Variants in SYNGR1 observed in about 807,000 individuals in gnomAD.
SYNGR1 encodes the protein synaptogyrin 1.
In SYNGR1, 14 loss-of-function variants were observed where a neutral mutation model predicts 26.1. The observed-to-expected ratio is 0.54, with a 90% confidence interval of 0.35 to 0.84. The LOEUF is 0.84. Among genes scored for constraint, SYNGR1 ranks in the 40% least tolerant of loss-of-function variants. SYNGR1 has a pLI of 0.01. For synonymous variants in SYNGR1, 141 were observed against 150.1 expected, an observed-to-expected ratio of 0.94 and a Z score of 0.44; for missense variants, 319 against 332.9, an observed-to-expected ratio of 0.96 and a Z score of 0.33.
intron 1 of SYNGR1, among the ~76,000 whole-genome samples, chr22:39,353,982 G>T (rs1371464019): frequency 2.0e-5 from 3 of 152,094 alleles, no homozygotes; most frequent in Non-Finnish European, 2.9e-5. Context: ...TCCTGCCTCA[G>T]CCTCCCAAAT....
At chr22:39,353,919 A>T (rs765264477) in intron 1 of SYNGR1, among the ~76,000 whole-genome samples, 5 of 152,184 alleles carry the variant, frequency 3.3e-5, no homozygotes, top group Admixed American at 6.6e-5. Context: ...GCTAGAGTGC[A>T]GTGGCGCGAT....
intron 1 of SYNGR1, among the ~76,000 whole-genome samples, chr22:39,357,570 G>C (rs1452804223): frequency 3.3e-5 from 5 of 151,832 alleles, no homozygotes; most frequent in African/African-American, 1.2e-4. Flanking sequence ...GGCTGCGTGC[G>C]GCGCTTGCGG....
chr22:39,356,231 T>C (rs1464369722), intron 1 of SYNGR1, among the ~76,000 whole-genome samples: 1 of 151,958 alleles, frequency 6.6e-6, no homozygotes, highest in Non-Finnish European at 1.5e-5. Flanking sequence ...ATTTTTATAT[T>C]TTTAGTAGAG....
At chr22:39,372,714 C>A (rs1925085638) in intron 1 of SYNGR1, among the ~76,000 whole-genome samples, 1 of 149,566 alleles carries the variant, frequency 6.7e-6, no homozygotes, top group South Asian at 2.1e-4. Context: ...GGTGATCCAC[C>A]CACCTCGGCC....
chr22:39,351,511 CCTG>C (rs1388512330), intron 1 of SYNGR1, among the ~76,000 whole-genome samples: 2 of 152,242 alleles, frequency 1.3e-5, no homozygotes, highest in Non-Finnish European at 2.9e-5. Flanking sequence ...GTGCCAGTCT[CCTG>C]CTCCCCAGAT....
intron 1 of SYNGR1, among the ~76,000 whole-genome samples, chr22:39,373,152 C>T (rs888727170): frequency 4.6e-5 from 7 of 151,620 alleles, no homozygotes; most frequent in Admixed American, 1.3e-4. Context: ...CACACACACA[C>T]ACACACACAC....
Position 39,382,174 on chromosome 22 carries a change from A to T in SYNGR1, c.*260A>T, listed in dbSNP as rs1009143995. Reference sequence around the variant, plus strand: ...GGTATTTGCATTCATACATTGTGTCATCAAGCATTCCTTGAGCGCCTACTG... The same window carrying T: ...GGTATTTGCATTCATACATTGTGTCTTCAAGCATTCCTTGAGCGCCTACTG... On this transcript the variant is annotated 3_prime_UTR_variant, in exon 4 of 4. Coordinates refer to ENST00000328933, the MANE Select transcript of SYNGR1 (RefSeq NM_004711.5). 3.5e-6 allele frequency: 2 copies of T among 576,506 alleles called. No homozygotes were observed. Among genetic ancestry groups the T allele is most frequent in the Non-Finnish European group, 6.2e-6 (2 of 321,440 alleles). The allele number at this position is 576,506 out of a possible 1,614,324, so 35.7% of individuals were successfully genotyped here. A position where few individuals can be genotyped will look rare whatever the true frequency, so the allele number is the denominator to read the frequency against.
intron 3 of SYNGR1, among the ~76,000 whole-genome samples, chr22:39,380,571 A>T (rs562624588): frequency 1.3e-3 from 158 of 118,162 alleles, no homozygotes; most frequent in African/African-American, 4.9e-3. Context: ...GTTTTTGTGG[A>T]TTTTTTTGGT....
At chr22:39,378,420 G>A (rs1234001719) in intron 3 of SYNGR1, 4 of 983,494 alleles carry the variant, frequency 4.1e-6, no homozygotes, top group African/African-American at 3.5e-5. Flanking sequence ...GAGAGTCAGG[G>A]GCACCTCCAG....
intron 1 of SYNGR1, among the ~76,000 whole-genome samples, chr22:39,359,239 T>TC (rs1470219785): frequency 6.6e-6 from 1 of 152,018 alleles, no homozygotes; most frequent in African/African-American, 2.4e-5. Flanking sequence ...CAGGACATTG[T>TC]CCCCCAGCTT....
intron 3 of SYNGR1, chr22:39,377,196 G>T: frequency 6.9e-7 from 1 of 1,441,962 alleles, no homozygotes; most frequent in South Asian, 1.5e-5. Flanking sequence ...GCCCCGGGTT[G>T]ACGTCTTTTT....
intron 1 of SYNGR1, chr22:39,364,415 A>G: frequency 6.6e-7 from 1 of 1,520,394 alleles, no homozygotes; most frequent in African/African-American, 1.4e-5. Context: ...GCAGATTTTT[A>G]TGGGGATTAA....
rs917196588 is a variant in SYNGR1, at chr22:39,384,965, C to T, written c.*3051C>T. On this transcript the variant is annotated 3_prime_UTR_variant, in exon 4 of 4. Transcript: ENST00000328933. The stretch of plus-strand genomic sequence containing the variant: ...TCCTGCCTGCACGGCTCCTATCCAC[C>T]TGGGGGTGTCGCAGTTGAGGGGCTA... 1.2e-4 allele frequency: 46 copies of T among 398,784 alleles called. No homozygotes were observed. The highest frequency in any genetic ancestry group is 1.9e-4 in the Non-Finnish European group (42 of 226,176). The allele number at this position is 398,784 out of a possible 1,614,324, so 24.7% of individuals were successfully genotyped here. A position where few individuals can be genotyped will look rare whatever the true frequency, so the allele number is the denominator to read the frequency against.
chr22:39,376,736 GC>G (rs1190265668), intron 3 of SYNGR1, among the ~76,000 whole-genome samples: 5 of 151,998 alleles, frequency 3.3e-5, no homozygotes, highest in Admixed American at 2.0e-4. Context: ...CCGTGAGCAG[GC>G]CGGGTGACAC....
At chr22:39,356,537 G>A (rs966923906) in intron 1 of SYNGR1, among the ~76,000 whole-genome samples, 1 of 152,208 alleles carries the variant, frequency 6.6e-6, no homozygotes, top group Non-Finnish European at 1.5e-5. Context: ...GTGCAAAGCT[G>A]TTGGGCGGGC....
intron 2 of SYNGR1, 163 bp from the exon 3 acceptor site, chr22:39,375,888 CT>C (rs930070289): frequency 3.3e-6 from 3 of 922,748 alleles, no homozygotes; most frequent in Non-Finnish European, 3.6e-6. Context: ...CTTGGCTCCC[CT>C]CTCTCTTCCC....
intron 1 of SYNGR1, among the ~76,000 whole-genome samples, chr22:39,373,039 G>A (rs147295881): frequency 6.6e-6 from 1 of 152,078 alleles, no homozygotes. Flanking sequence ...GCCATATCCT[G>A]TAGTGGGGTC....
intron 1 of SYNGR1, among the ~76,000 whole-genome samples, chr22:39,367,069 A>C (rs1471065142): frequency 2.0e-5 from 3 of 152,176 alleles, no homozygotes; most frequent in Admixed American, 6.5e-5. Flanking sequence ...ACTTCTGCTC[A>C]AAGGTCGCTG....
chr22:39,355,685 G>A (rs920221708), intron 1 of SYNGR1, among the ~76,000 whole-genome samples: 3 of 152,200 alleles, frequency 2.0e-5, no homozygotes, highest in African/African-American at 7.2e-5. Context: ...ACATGGGATT[G>A]GAGGGCCTGG....
Sources: gnomAD v4.1 joint callset for allele counts (sites outside exome capture counted in the v4.1 genomes callset) on GRCh38, gnomAD v4.1.1 for gene constraint, MANE v1.5 for transcripts, NCBI Gene and HGNC (gene_info 2026-07-23, HGNC 2026-07-21) for gene names.